Variants in GREP1 observed in about 807,000 individuals in gnomAD.
The protein encoded by GREP1 is glycine-rich extracellular protein 1.
At chr16:2,988,371 G>A (rs769389397) in intron 1 of GREP1, 31 bp downstream of exon 1, 2 of 399,186 alleles carry the variant, frequency 5.0e-6, no homozygotes, top group Non-Finnish European at 8.8e-6. Context: ...CTGGGGGTTG[G>A]AGAATGGGCA....
chr16:2,995,464 A>C, intron 15 of GREP1, 148 bp downstream of exon 15: 1 of 398,584 alleles, frequency 2.5e-6, no homozygotes. Flanking sequence ...CTGGGGTTCT[A>C]CCCCTGGGGC....
intron 1 of GREP1, 41 bp from the exon 2 acceptor site, chr16:2,988,548 TG>T (rs2072382693): frequency 5.0e-6 from 2 of 399,050 alleles, no homozygotes; most frequent in Non-Finnish European, 8.8e-6. Context: ...TCTCAGCCTC[TG>T]GGGTCCCCAG....
chr16:2,996,733 C>T lies in GREP1; in HGVS notation c.745+28C>T, dbSNP rs1476195509. 5 of 398,782 alleles carry T rather than the reference C, an allele frequency of 1.3e-5. No homozygotes were observed. In the East Asian group the frequency reaches 1.8e-4, roughly 14 times the overall value. 24.7% of individuals were successfully genotyped at this position (398,782 alleles called of 1,614,324 possible). A position where few individuals can be genotyped will look rare whatever the true frequency, so the allele number is the denominator to read the frequency against. On this transcript the variant is annotated intron_variant, in intron 20 of 34. Coordinates refer to ENST00000573315, the Ensembl canonical transcript of GREP1. Reference sequence around the variant, plus strand: ...GAGGGGACTGCCTGTGTCTGTGGCCCCACCTCCCCTAGATCCTGGTGTTCT... The same window carrying T: ...GAGGGGACTGCCTGTGTCTGTGGCCTCACCTCCCCTAGATCCTGGTGTTCT...
exon 23 of GREP1, chr16:2,997,835 G>A (rs2072434403): frequency 2.5e-6 from 1 of 398,444 alleles, no homozygotes; most frequent in African/African-American, 2.1e-5. Context: ...TCAGAAGCCA[G>A]GTAAGCCCTT....
exon 22 of GREP1, chr16:2,997,418 G>C (rs2072431171): frequency 5.0e-6 from 2 of 398,902 alleles, no homozygotes; most frequent in Admixed American, 4.4e-5. Context: ...CTACAGAGCA[G>C]GTACTGGGGG....
chr16:2,990,602 A>G lies in GREP1; in HGVS notation c.268+15A>G. The G allele has an allele frequency of 5.0e-6, 2 of 398,912 alleles. No homozygotes were observed. The highest frequency in any genetic ancestry group is 8.8e-6 in the Non-Finnish European group (2 of 226,070). The allele number at this position is 398,912 out of a possible 1,614,324, so 24.7% of individuals were successfully genotyped here. On this transcript the variant is annotated intron_variant, in intron 7 of 34. Coordinates refer to ENST00000573315, the Ensembl canonical transcript of GREP1. The stretch of plus-strand genomic sequence containing the variant: ...AGCCCAGCCAGGTGAGGCTGGGGGA[A>G]GCGGGTAAGGAATGGGAGGGGCTTG...
intron 23 of GREP1, among the ~76,000 whole-genome samples, chr16:2,998,054 G>C (rs2072435890): frequency 6.6e-6 from 1 of 151,690 alleles, no homozygotes; most frequent in Non-Finnish European, 1.5e-5. Flanking sequence ...GGGTCTCAGT[G>C]GGGGAAGGGG....
intron 10 of GREP1, chr16:2,993,335 C>A: frequency 5.8e-6 from 1 of 171,542 alleles, no homozygotes. Context: ...TCTCACACAA[C>A]AAACCTCATT....
intron 27 of GREP1, among the ~76,000 whole-genome samples, chr16:2,999,697 C>T (rs1004047945): frequency 1.2e-4 from 18 of 152,256 alleles, no homozygotes; most frequent in African/African-American, 4.1e-4. Context: ...AGTGATCAGC[C>T]CACCTCAGCC....
At chr16:2,990,616 G>C in intron 7 of GREP1, 29 bp downstream of exon 6, 1 of 399,224 alleles carries the variant, frequency 2.5e-6, no homozygotes, top group Non-Finnish European at 4.4e-6. Flanking sequence ...GGTAAGGAAT[G>C]GGAGGGGCTT....
intron 29 of GREP1, 77 bp downstream of exon 26, chr16:3,000,195 C>T (rs1011087275): frequency 3.3e-5 from 13 of 399,154 alleles, no homozygotes; most frequent in African/African-American, 8.2e-5. Context: ...TCTGTCTGTC[C>T]GCATCCCCCT....
chr16:2,989,865 G>A lies in GREP1; in HGVS notation c.131-109G>A. On this transcript the variant is annotated intron_variant, in intron 3 of 34. Transcript: ENST00000573315. The surrounding 1 kb of genome is among the most constrained non-coding windows in gnomAD (Gnocchi z 4.2). ...GCCCCACAGCCCTCCCCCATCATGGGAAGGGACTGAGTTCCCACAGGCCCA... is the reference window on the plus strand; with the variant it reads ...GCCCCACAGCCCTCCCCCATCATGGAAAGGGACTGAGTTCCCACAGGCCCA... 1 of 398,736 alleles carries A rather than the reference G, an allele frequency of 2.5e-6. No homozygotes were observed. Among genetic ancestry groups the A allele is most frequent in the African/African-American group, 2.1e-5 (1 of 48,726 alleles). The allele number at this position is 398,736 out of a possible 1,614,324, so 24.7% of individuals were successfully genotyped here.
intron 23 of GREP1, 141 bp from the exon 22 acceptor site, chr16:2,998,215 C>G: frequency 7.5e-6 from 3 of 397,982 alleles, no homozygotes; most frequent in Non-Finnish European, 4.4e-6. Context: ...GCTCTCCCTC[C>G]CAGGATACAC....
Position 2,990,735 on chromosome 16 carries a change from GTGTCT to G in GREP1, c.268+149_268+153del, listed in dbSNP as rs1596461200. On this transcript the variant is annotated intron_variant, in intron 7 of 34. Coordinates refer to ENST00000573315, the Ensembl canonical transcript of GREP1. ...GCCTCAGAGAGGGCAGAACAGGTGG[GTGTCT>G]CACGGGAAGTGGGCAGGAGGGGACG... 12 of 398,138 alleles carry G rather than the reference GTGTCT, an allele frequency of 3.0e-5. No homozygotes were observed. In the East Asian group the frequency reaches 4.3e-4, roughly 14 times the overall value. The allele number at this position is 398,138 out of a possible 1,614,324, so 24.7% of individuals were successfully genotyped here. A position where few individuals can be genotyped will look rare whatever the true frequency, so the allele number is the denominator to read the frequency against.
intron 25 of GREP1, 146 bp downstream of exon 23, chr16:2,998,669 G>C (rs2072441059): frequency 2.5e-6 from 1 of 397,524 alleles, no homozygotes; most frequent in Non-Finnish European, 4.4e-6. Context: ...GTCCCCCCAG[G>C]AGAGTGTGGA....
In GREP1 at chr16:2,989,589, C is replaced by A; in HGVS notation, c.130+37C>A. On this transcript the variant is annotated intron_variant, in intron 3 of 34. Transcript: ENST00000573315. The surrounding 1 kb of genome is among the most constrained non-coding windows in gnomAD (Gnocchi z 4.2). ...CATAGGGAAGGGAGGCGTCTGAGGG[C>A]AGGGCACGGGGCAGGGGGGAGGCAG... 2.5e-6 allele frequency: 1 copy of A among 398,368 alleles called. No homozygotes were observed. The highest frequency in any genetic ancestry group is 4.4e-6 in the Non-Finnish European group (1 of 226,290). 24.7% of individuals were successfully genotyped at this position (398,368 alleles called of 1,614,324 possible).
intron 17 of GREP1, 28 bp downstream of exon 17, chr16:2,995,799 C>A: frequency 2.5e-6 from 1 of 398,678 alleles, no homozygotes; most frequent in Non-Finnish European, 4.4e-6. Context: ...TGGTCTGCCT[C>A]TCTATGCACG....
chr16:2,995,707 G>A, intron 16 of GREP1, 32 bp from the exon 17 acceptor site: 1 of 398,748 alleles, frequency 2.5e-6, no homozygotes, highest in Non-Finnish European at 4.4e-6. Flanking sequence ...GGGCCCCTGA[G>A]TCACTCACCA....
In GREP1 at chr16:2,992,664, C is replaced by T. The variant is rs142665877; in HGVS notation, c.323-141C>T. On this transcript the variant is annotated intron_variant, in intron 8 of 34. Transcript: ENST00000573315. This position sits in a 1 kb window ranked among gnomAD's most constrained non-coding sequence, Gnocchi z 4.9. ...AACCAAATCCAACTTTGACTGCAGT[C>T]AGGCCTGGGAGGGAGTTCACACAAG... 8.0e-3 allele frequency: 3,196 copies of T among 397,346 alleles called. 27 individuals carry two copies. Among genetic ancestry groups the T allele is most frequent in the Middle Eastern group, 0.015 (23 of 1,586 alleles). 24.6% of individuals were successfully genotyped at this position (397,346 alleles called of 1,614,324 possible).
Sources: allele counts gnomAD v4.1 joint callset (sites outside exome capture counted in the v4.1 genomes callset), GRCh38; gene constraint gnomAD v4.1.1; non-coding constraint Gnocchi (gnomAD v3.1); transcripts MANE v1.5; gene names NCBI Gene and HGNC (gene_info 2026-07-23, HGNC 2026-07-21).